ATRNL1: variants seen among roughly 807,000 people sequenced by gnomAD.
The protein encoded by ATRNL1 is attractin-like protein 1.
In ATRNL1, 95 loss-of-function variants were observed where a neutral mutation model predicts 182.7. The observed-to-expected ratio is 0.52, with a 90% confidence interval of 0.44 to 0.62. ATRNL1 has a LOEUF of 0.62. Among genes scored for constraint, ATRNL1 ranks in the 20% least tolerant of loss-of-function variants. The probability of loss-of-function intolerance (pLI) is 0.00; values close to 1 mark genes in which losing one functional copy is unlikely to be tolerated. For synonymous variants in ATRNL1, 576 were observed against 568.3 expected, an observed-to-expected ratio of 1.01 and a Z score of -0.19; for missense variants, 1,471 against 1,679.5, an observed-to-expected ratio of 0.88 and a Z score of 2.17.
In ATRNL1 at chr10:115,223,913, G is replaced by GTGTGTGTATATATATATA. The variant is rs71476115; in HGVS notation, c.1532+8034_1532+8035insGTGTGTATATATATATAT. ...TGTGTGTGTGTGTGTGTGTGTGTGT[G>GTGTGTGTATATATATATA]TATATATATATATATATTTTTTTTT... On this transcript the variant is annotated intron_variant, in intron 9 of 28. Coordinates refer to ENST00000355044, the MANE Select transcript of ATRNL1 (RefSeq NM_207303.4). 2.7e-4 allele frequency among the ~76,000 whole-genome samples: 15 copies of GTGTGTGTATATATATATA among 55,930 alleles called. No individual in the cohort carries two copies. In the South Asian group the frequency reaches 2.8e-3, roughly 10 times the overall value. The allele number at this position is 55,930 out of a possible 152,430, so 36.7% of individuals were successfully genotyped here.
intron 28 of ATRNL1, among the ~76,000 whole-genome samples, chr10:115,896,115 C>T (rs1469388756): frequency 6.6e-6 from 1 of 152,206 alleles, no homozygotes. Context: ...ATTCTTCTAA[C>T]ACGTTCAGCA....
intron 10 of ATRNL1, among the ~76,000 whole-genome samples, chr10:115,263,669 T>G (rs1426641298): frequency 6.6e-6 from 1 of 151,808 alleles, no homozygotes; most frequent in African/African-American, 2.4e-5. Flanking sequence ...CAGTTTATAC[T>G]TTATATAATT....
At chr10:115,330,411 A>G (rs1855150073) in intron 18 of ATRNL1, among the ~76,000 whole-genome samples, 1 of 151,878 alleles carries the variant, frequency 6.6e-6, no homozygotes, top group Non-Finnish European at 1.5e-5. Flanking sequence ...CATTAGGATT[A>G]TTATTTTTTC....
intron 13 of ATRNL1, among the ~76,000 whole-genome samples, chr10:115,275,159 C>T (rs970396561): frequency 5.9e-5 from 9 of 152,096 alleles, no homozygotes; most frequent in Admixed American, 2.0e-4. Context: ...GTCAAGGAAC[C>T]GGTGTGAGTT....
At chr10:115,878,952 A>G (rs2134434885) in intron 28 of ATRNL1, among the ~76,000 whole-genome samples, 1 of 152,286 alleles carries the variant, frequency 6.6e-6, no homozygotes, top group Non-Finnish European at 1.5e-5. Context: ...AGGCATAAAA[A>G]TAGTATGAGG....
intron 21 of ATRNL1, among the ~76,000 whole-genome samples, chr10:115,446,793 C>A (rs1414615140): frequency 1.3e-5 from 2 of 151,826 alleles, no homozygotes; most frequent in East Asian, 3.8e-4. Context: ...TTCTTTATAT[C>A]TATTTTACCT....
At chr10:115,483,852 G>A (rs1470285469) in intron 24 of ATRNL1, among the ~76,000 whole-genome samples, 2 of 151,402 alleles carry the variant, frequency 1.3e-5, no homozygotes, top group Non-Finnish European at 3.0e-5. Context: ...CATTATTTTT[G>A]CACACTCTAA....
At chr10:115,224,602 T>C (rs1162264130) in intron 9 of ATRNL1, among the ~76,000 whole-genome samples, 1 of 151,774 alleles carries the variant, frequency 6.6e-6, no homozygotes, top group Non-Finnish European at 1.5e-5. Context: ...CACACAGACT[T>C]AGAAACAAAG....
At chr10:115,509,016 A>G (rs1177724967) in intron 24 of ATRNL1, among the ~76,000 whole-genome samples, 5 of 152,060 alleles carry the variant, frequency 3.3e-5, no homozygotes, top group Admixed American at 3.3e-4. Context: ...TCTGGTGATT[A>G]TGAGCCTTGG....
At chr10:115,317,374 G>A (rs1489783758) in intron 18 of ATRNL1, among the ~76,000 whole-genome samples, 8 of 152,132 alleles carry the variant, frequency 5.3e-5, no homozygotes, top group African/African-American at 1.9e-4. Context: ...TGGCTATATG[G>A]GGTCTTCTTT....
chr10:115,491,952 G>A (rs554423247), intron 24 of ATRNL1, among the ~76,000 whole-genome samples: 36 of 152,260 alleles, frequency 2.4e-4, no homozygotes, highest in African/African-American at 7.0e-4. Context: ...CCTGGAGTGC[G>A]CTGTTCCTCC....
At chr10:115,626,590 A>G (rs1364445087) in intron 26 of ATRNL1, among the ~76,000 whole-genome samples, 4 of 152,170 alleles carry the variant, frequency 2.6e-5, no homozygotes, top group African/African-American at 9.7e-5. Context: ...AGCAATTTAA[A>G]TCATTTTTTG....
At chr10:115,386,919 G>A (rs1333778187) in intron 19 of ATRNL1, among the ~76,000 whole-genome samples, 1 of 148,418 alleles carries the variant, frequency 6.7e-6, no homozygotes, top group Admixed American at 6.9e-5. Context: ...GCGGTGTTTG[G>A]TTTTTTGTCC....
intron 27 of ATRNL1, among the ~76,000 whole-genome samples, chr10:115,833,703 AGCACAGAGAGTTAAGAAACAT>A (rs1256934391): frequency 6.6e-6 from 1 of 152,178 alleles, no homozygotes; most frequent in African/African-American, 2.4e-5. Context: ...GAGGAAATTG[AGCACAGAGAGTTAAGAAACAT>A]GCCCAAGTAA....
intron 28 of ATRNL1, among the ~76,000 whole-genome samples, chr10:115,907,984 AG>A (rs2134511413): frequency 6.6e-6 from 1 of 152,354 alleles, no homozygotes; most frequent in Non-Finnish European, 1.5e-5. Flanking sequence ...ACTTTTTAAA[AG>A]TAATAGCTAT....
intron 4 of ATRNL1, among the ~76,000 whole-genome samples, chr10:115,128,719 C>T (rs1011200395): frequency 6.6e-6 from 1 of 150,606 alleles, no homozygotes; most frequent in Non-Finnish European, 1.5e-5. Context: ...CCCAGCTACT[C>T]GGGAGGCTGA....
Position 115,460,179 on chromosome 10 carries a change from C to T in ATRNL1, c.3323-1762C>T, listed in dbSNP as rs149751005. Among the ~76,000 whole-genome samples, 794 of 152,242 alleles carry T rather than the reference C, an allele frequency of 5.2e-3. 7 individuals carry two copies. The highest frequency in any genetic ancestry group is 0.018 in the African/African-American group (757 of 41,550). ...ATCTCTTGGACCTCTTGTCTATCTACGAAGACAATTTCCTGCCTTCCTGGC... is the reference window on the plus strand; with the variant it reads ...ATCTCTTGGACCTCTTGTCTATCTATGAAGACAATTTCCTGCCTTCCTGGC... On this transcript the variant is annotated intron_variant, in intron 21 of 28. Transcript: ENST00000355044.
In ATRNL1 at chr10:115,707,928, G is replaced by T. The variant is rs190753914; in HGVS notation, c.3796-19320G>T. The stretch of plus-strand genomic sequence containing the variant: ...TGTTGGCAAATAGCTTTCCAGAAGG[G>T]CCAAACCAGTGGCATTCTCTTAATA... On this transcript the variant is annotated intron_variant, in intron 26 of 28. Transcript: ENST00000355044. Among the ~76,000 whole-genome samples the T allele has an allele frequency of 2.6e-5, 4 of 151,762 alleles. No individual in the cohort carries two copies. The East Asian group carries it at 7.7e-4, about 29-fold the overall frequency.
chr10:115,783,593 C>G (rs1343083938), intron 27 of ATRNL1, among the ~76,000 whole-genome samples: 1 of 152,094 alleles, frequency 6.6e-6, no homozygotes, highest in Non-Finnish European at 1.5e-5. Context: ...TTGAGATAAC[C>G]TTTGAGTTTT....
Sources: allele counts gnomAD v4.1 joint callset (sites outside exome capture counted in the v4.1 genomes callset), GRCh38; gene constraint gnomAD v4.1.1; transcripts MANE v1.5; gene names NCBI Gene and HGNC (gene_info 2026-07-23, HGNC 2026-07-21).